Variants in ST6GALNAC6 observed in about 807,000 individuals in gnomAD.
ST6GALNAC6 encodes the protein alpha-N-acetylgalactosaminide alpha-2,6-sialyltransferase 6.
ST6GALNAC6 carries 19 observed loss-of-function variants against 34.3 expected under a neutral mutation model. That is an observed-to-expected ratio of 0.55 (90% CI 0.39 to 0.81). The LOEUF is 0.81. Ranked by LOEUF, ST6GALNAC6 falls within the 40% of genes least tolerant of loss-of-function variation. ST6GALNAC6 has a pLI of 0.00. For synonymous variants in ST6GALNAC6, 185 were observed against 182.1 expected (o/e 1.02, Z -0.13); for missense variants, 377 against 467.7 (o/e 0.81, Z 1.79).
At chr9:127,906,111 T>C, upstream of ST6GALNAC6, 1 of 827,986 alleles carries the variant, frequency 1.2e-6, no homozygotes, top group Non-Finnish European at 1.5e-6. Flanking sequence ...GTGAACCAAG[T>C]GCCAGGTCTC....
chr9:127,897,709 C>T (rs1830556402), intron 2 of ST6GALNAC6: 1 of 872,686 alleles, frequency 1.1e-6, no homozygotes, highest in Admixed American at 3.0e-5. Context: ...CCTGGGGTGG[C>T]CCCATCTGCC....
intron 5 of ST6GALNAC6, among the ~76,000 whole-genome samples, chr9:127,888,535 G>A (rs566033006): frequency 1.5e-4 from 22 of 150,182 alleles, no homozygotes; most frequent in Admixed American, 5.3e-4. Flanking sequence ...TAGGCCGGGC[G>A]CAGTGGCTCA....
chr9:127,902,471 T>C (rs902403195), upstream of ST6GALNAC6, among the ~76,000 whole-genome samples: 22 of 152,174 alleles, frequency 1.4e-4, no homozygotes, highest in African/African-American at 4.3e-4. Flanking sequence ...GTGTTTAGTG[T>C]TAATAGTGGT....
upstream of ST6GALNAC6, among the ~76,000 whole-genome samples, chr9:127,906,281 C>G (rs1432194546): frequency 6.6e-6 from 1 of 152,136 alleles, no homozygotes; most frequent in African/African-American, 2.4e-5. Flanking sequence ...AACAAAAAAC[C>G]CTAAGAATTT....
chr9:127,896,688 C>A (rs1415557301), intron 2 of ST6GALNAC6, among the ~76,000 whole-genome samples: 1 of 152,200 alleles, frequency 6.6e-6, no homozygotes, highest in Non-Finnish European at 1.5e-5. Flanking sequence ...CCTGTGGTGT[C>A]AGAATAAAAC....
intron 4 of ST6GALNAC6, among the ~76,000 whole-genome samples, chr9:127,893,346 G>A (rs1167881044): frequency 6.6e-6 from 1 of 152,160 alleles, no homozygotes; most frequent in African/African-American, 2.4e-5. Flanking sequence ...CATTTCCACA[G>A]CACCCAGAAA....
At chr9:127,903,251 C>G (rs1399572134), upstream of ST6GALNAC6, 3 of 152,094 alleles carry the variant, frequency 2.0e-5, no homozygotes, top group Non-Finnish European at 2.9e-5. Context: ...CCCGCCTCGG[C>G]CTCCTAAAGT....
chr9:127,887,162 G>T (rs998435757), intron 6 of ST6GALNAC6, among the ~76,000 whole-genome samples: 13 of 152,058 alleles, frequency 8.5e-5, no homozygotes, highest in Admixed American at 7.9e-4. Context: ...ATCCCGTAAG[G>T]TTGCTGTGAG....
At chr9:127,897,224 T>C in intron 2 of ST6GALNAC6, 1 of 985,836 alleles carries the variant, frequency 1.0e-6, no homozygotes, top group Non-Finnish European at 1.2e-6. Flanking sequence ...GAAAATGTAC[T>C]GTGTCCAGCC....
At chr9:127,899,727 A>C (rs1410991557), upstream of ST6GALNAC6, 24 of 929,148 alleles carry the variant, frequency 2.6e-5, no homozygotes, top group Non-Finnish European at 3.1e-5. Flanking sequence ...GGGAAGGGAA[A>C]GGGGAGGCGG....
At chr9:127,891,217 C>T (rs927044466) in intron 4 of ST6GALNAC6, among the ~76,000 whole-genome samples, 174 bp from the exon 5 acceptor site, 22 of 152,152 alleles carry the variant, frequency 1.4e-4, no homozygotes, top group African/African-American at 4.3e-4. Context: ...ATGGCCAAGT[C>T]CTGGGGCAGA....
chr9:127,900,974 A>C (rs1409154688), upstream of ST6GALNAC6, among the ~76,000 whole-genome samples: 2 of 144,128 alleles, frequency 1.4e-5, no homozygotes, highest in Admixed American at 7.0e-5. Context: ...CTGGGCAACA[A>C]GGGCTAAACT....
chr9:127,895,056 C>T (rs1371836407), intron 3 of ST6GALNAC6, among the ~76,000 whole-genome samples: 2 of 152,194 alleles, frequency 1.3e-5, no homozygotes, highest in South Asian at 2.1e-4. Context: ...TGTCTAGAGA[C>T]AGGTGGGACA....
exon 1 of ST6GALNAC6, chr9:127,905,226 C>G (rs1830887140): frequency 1.0e-6 from 1 of 985,450 alleles, no homozygotes; most frequent in Non-Finnish European, 1.2e-6. Flanking sequence ...GCTGCAGGAA[C>G]TGCTGTGGCA....
chr9:127,905,902 A>C (rs533353737), upstream of ST6GALNAC6: 1 of 981,080 alleles, frequency 1.0e-6, no homozygotes, highest in Non-Finnish European at 1.2e-6. Context: ...AACCCCCTCC[A>C]CCTCCGCCTA....
rs1195922833 is a variant in ST6GALNAC6 at position 127,886,704 on chromosome 9, C to T, written c.897G>A (p.Glu299=). The T allele has an allele frequency of 6.2e-7, 1 of 1,614,008 alleles. No individual in the cohort carries two copies. Among genetic ancestry groups the T allele is most frequent in the African/African-American group, 1.3e-5 (1 of 74,916 alleles). The change falls in exon 7 of 7, where the codon GAG becomes GAA. Residue 299 remains glutamate (E), a synonymous_variant. Transcript: ENST00000373146. ...GGTGGTGGTTGCCCTTGCGACTGTGCTCATTCTGGATGTAGGTGACACATT... is the reference window on the plus strand; with the variant it reads ...GGTGGTGGTTGCCCTTGCGACTGTGTTCATTCTGGATGTAGGTGACACATT... ...PDECVTYIQN[E]HSRKGNHHRF...
At chr9:127,897,143 G>A (rs752363134) in intron 2 of ST6GALNAC6, 42 of 980,844 alleles carry the variant, frequency 4.3e-5, no homozygotes, top group African/African-American at 7.0e-5. Flanking sequence ...GCTCTGCTCC[G>A]CACACCCCAA....
At chr9:127,906,325 C>T (rs374622709), upstream of ST6GALNAC6, among the ~76,000 whole-genome samples, 1 of 152,216 alleles carries the variant, frequency 6.6e-6, no homozygotes, top group East Asian at 1.9e-4. Context: ...AGCATAGGGC[C>T]CTGATCCCTG....
rs1269201886 is a variant in ST6GALNAC6 at position 127,887,544 on chromosome 9, A to G, written c.752T>C (p.Ile251Thr). 10 of 1,613,040 alleles carry G rather than the reference A, an allele frequency of 6.2e-6. No individual in the cohort carries two copies. The highest frequency in any genetic ancestry group is 8.5e-6 in the Non-Finnish European group (10 of 1,179,520). Residue 251 changes from isoleucine (I) to threonine (T), a missense_variant, in exon 6 of 7, where the codon ATC becomes ACC. Transcript: ENST00000373146. ...WLSTGWFTMVIAVELCDHVHV... is the reference protein window; with the variant it reads ...WLSTGWFTMVTAVELCDHVHV... ...CACGTGGTCACACAACTCCACCGCG[A>G]TCACCATGGTAAACCAGCCTGTGCT...
Sources: allele counts gnomAD v4.1 joint callset (sites outside exome capture counted in the v4.1 genomes callset), GRCh38; gene constraint gnomAD v4.1.1; transcripts MANE v1.5; gene names NCBI Gene and HGNC (gene_info 2026-07-23, HGNC 2026-07-21).